The following FBXL4 variants were observed in gnomAD, a reference collection of about 807,000 sequenced individuals.
The protein encoded by FBXL4 is F-box and leucine rich repeat protein 4, also known as F-box/LRR-repeat protein 4.
Under a neutral mutation model 58.9 loss-of-function variants are expected in FBXL4, and 40 were observed. That is an observed-to-expected ratio of 0.68 (90% CI 0.53 to 0.88). The LOEUF (loss-of-function observed/expected upper bound fraction) is 0.88. Among genes scored for constraint, FBXL4 ranks in the 40% least tolerant of loss-of-function variants. The pLI, the probability that FBXL4 is intolerant of heterozygous loss-of-function variation, is 0.00. For missense variants in FBXL4, 676 were observed against 734.4 expected, an observed-to-expected ratio of 0.92 and a Z score of 0.92; for synonymous variants, 263 against 265.5, an observed-to-expected ratio of 0.99 and a Z score of 0.09.
In FBXL4 at chr6:98,916,095, C is replaced by T. The variant is rs756653158; in HGVS notation, c.858+1279G>A. ...TCATCATCACTGGCCATCAGAGAAA[C>T]GCAAATCAAAACCACAATGAGATAC... On this transcript the variant is annotated intron_variant, in intron 5 of 9. Transcript: ENST00000369244. Among the ~76,000 whole-genome samples the T allele has an allele frequency of 5.2e-3, 779 of 151,114 alleles. 2 individuals are homozygous for T. Among genetic ancestry groups the T allele is most frequent in the Non-Finnish European group, 8.1e-3 (549 of 67,700 alleles).
chr6:98,888,573 T>C (rs1249220959), intron 7 of FBXL4, among the ~76,000 whole-genome samples: 2 of 151,900 alleles, frequency 1.3e-5, no homozygotes, highest in Non-Finnish European at 2.9e-5. Context: ...ATCTTTCAGG[T>C]CCCCAAGTCT....
chr6:98,943,327 C>T (rs373695424), intron 1 of FBXL4, among the ~76,000 whole-genome samples: 3 of 151,254 alleles, frequency 2.0e-5, no homozygotes, highest in Admixed American at 6.6e-5. Flanking sequence ...AACCCCAGCA[C>T]GTTGGGAGGC....
At chr6:98,894,052 A>G (rs914109252) in intron 7 of FBXL4, among the ~76,000 whole-genome samples, 2 of 152,120 alleles carry the variant, frequency 1.3e-5, no homozygotes, top group Non-Finnish European at 2.9e-5. Context: ...TTTTCTGTAG[A>G]GATGGGGTCT....
At chr6:98,923,476 T>G (rs893882723) in intron 4 of FBXL4, among the ~76,000 whole-genome samples, 1 of 152,192 alleles carries the variant, frequency 6.6e-6, no homozygotes, top group Non-Finnish European at 1.5e-5. Flanking sequence ...CTTTTCTCAC[T>G]TCTTCAAACA....
intron 7 of FBXL4, among the ~76,000 whole-genome samples, chr6:98,888,705 T>C (rs1771121450): frequency 6.6e-6 from 1 of 152,218 alleles, no homozygotes; most frequent in Non-Finnish European, 1.5e-5. Context: ...CATTTTCAAA[T>C]GAGTTTGTAA....
intron 6 of FBXL4, 121 bp from the exon 7 acceptor site, chr6:98,899,602 G>T: frequency 1.7e-6 from 2 of 1,206,876 alleles, no homozygotes; most frequent in Non-Finnish European, 2.2e-6. Flanking sequence ...TAGGGAAAAT[G>T]TAAAATTTGT....
At chr6:98,899,010 T>A (rs1042944094) in intron 7 of FBXL4, 2 of 984,994 alleles carry the variant, frequency 2.0e-6, no homozygotes, top group Non-Finnish European at 2.4e-6. Context: ...CCAACGCTTA[T>A]TTTTTTTCCT....
At chr6:98,914,272 C>T (rs369566094) in intron 5 of FBXL4, among the ~76,000 whole-genome samples, 46 of 152,088 alleles carry the variant, frequency 3.0e-4, no homozygotes, top group Non-Finnish European at 3.4e-4. Flanking sequence ...TCTGAAACTA[C>T]TCCAATCAAT....
At chr6:98,898,495 C>A in intron 7 of FBXL4, 1 of 937,768 alleles carries the variant, frequency 1.1e-6, no homozygotes, top group Non-Finnish European at 1.3e-6. Flanking sequence ...ATCCCAGATA[C>A]TCAGGAGGCT....
At chr6:98,904,159 C>T (rs754616735) in intron 6 of FBXL4, among the ~76,000 whole-genome samples, 2 of 152,168 alleles carry the variant, frequency 1.3e-5, no homozygotes, top group African/African-American at 4.8e-5. Context: ...TATTCACAGA[C>T]TTCATTAGCT....
chr6:98,900,824 G>C (rs1401024942), intron 6 of FBXL4, among the ~76,000 whole-genome samples: 1 of 152,090 alleles, frequency 6.6e-6, no homozygotes, highest in African/African-American at 2.4e-5. Flanking sequence ...TGTATTATTT[G>C]ATTTGTGACA....
chr6:98,875,355 G>T, intron 9 of FBXL4, 60 bp downstream of exon 9: 1 of 1,557,964 alleles, frequency 6.4e-7, no homozygotes, highest in Non-Finnish European at 8.8e-7. Flanking sequence ...AAAAGTCTGA[G>T]ATTGGCTTTT....
chr6:98,929,173 A>G (rs921686266), intron 2 of FBXL4, among the ~76,000 whole-genome samples: 29 of 152,242 alleles, frequency 1.9e-4, no homozygotes, highest in African/African-American at 6.3e-4. Flanking sequence ...TCTCAAACCC[A>G]AACAGATCCA....
Position 98,896,808 on chromosome 6 carries a change from A to G in FBXL4, c.1317+2460T>C, listed in dbSNP as rs10484611. ...TGTATTTAAGTAACTGAGGGAAACC[A>G]GAGCTTATGCTATCTAGACCTAGGT... On this transcript the variant is annotated intron_variant, in intron 7 of 9. Coordinates refer to ENST00000369244, the MANE Select transcript of FBXL4 (RefSeq NM_001278716.2). 6,028 of 979,732 alleles carry G rather than the reference A, an allele frequency of 6.2e-3. 338 individuals are homozygous for G. The East Asian group carries it at 0.19, about 31-fold the overall frequency. 60.7% of individuals were successfully genotyped at this position (979,732 alleles called of 1,614,324 possible).
intron 9 of FBXL4, among the ~76,000 whole-genome samples, chr6:98,874,860 C>A (rs954165333): frequency 2.6e-5 from 4 of 152,082 alleles, no homozygotes; most frequent in African/African-American, 9.7e-5. Context: ...CTGCTAGCAC[C>A]CCTGGCTAAA....
chr6:98,896,179 T>C (rs1451331714), intron 7 of FBXL4, among the ~76,000 whole-genome samples: 1 of 152,202 alleles, frequency 6.6e-6, no homozygotes, highest in Non-Finnish European at 1.5e-5. Flanking sequence ...AGTGATTTTG[T>C]GGAACATTTA....
intron 7 of FBXL4, among the ~76,000 whole-genome samples, chr6:98,887,534 G>A (rs1048380390): frequency 6.6e-6 from 1 of 152,064 alleles, no homozygotes; most frequent in African/African-American, 2.4e-5. Context: ...CATAGAAGAG[G>A]AATTCACAGC....
At chr6:98,946,112 T>C (rs769533919) in intron 1 of FBXL4, among the ~76,000 whole-genome samples, 4 of 152,154 alleles carry the variant, frequency 2.6e-5, no homozygotes, top group Non-Finnish European at 5.9e-5. Flanking sequence ...AATCCCTAGA[T>C]ATTAAAACAC....
Position 98,870,379 on chromosome 6 carries a change from A to G in FBXL4, c.*3899T>C, listed in dbSNP as rs1221713766. On this transcript the variant is annotated 3_prime_UTR_variant, in exon 10 of 10. Coordinates refer to ENST00000369244, the MANE Select transcript of FBXL4 (RefSeq NM_001278716.2). ...ACACAGTAGTATTTTGTAACACATC[A>G]AAATTATGTAAAATTCAACTTTCAG... The G allele has an allele frequency of 6.6e-6, 1 of 152,258 alleles. No individual in the cohort carries two copies. Among genetic ancestry groups the G allele is most frequent in the Non-Finnish European group, 1.5e-5 (1 of 68,046 alleles). The allele number at this position is 152,258 out of a possible 1,614,324, so 9.4% of individuals were successfully genotyped here.
Sources: gnomAD v4.1 joint callset for allele counts (sites outside exome capture counted in the v4.1 genomes callset) on GRCh38, gnomAD v4.1.1 for gene constraint, MANE v1.5 for transcripts, NCBI Gene and HGNC (gene_info 2026-07-23, HGNC 2026-07-21) for gene names.